RNF157: variants seen among roughly 807,000 people sequenced by gnomAD.
The protein encoded by RNF157 is ring finger protein 157, also known as E3 ubiquitin ligase RNF157.
RNF157 carries 55 observed loss-of-function variants against 88.3 expected under a neutral mutation model. That is an observed-to-expected ratio of 0.62 (90% confidence interval 0.50 to 0.78). The LOEUF is 0.78. RNF157 is among the 30% of genes least tolerant of loss of function. RNF157 has a pLI of 0.00. For missense variants in RNF157, 788 were observed against 860.8 expected (o/e 0.92, Z 1.06); for synonymous variants, 334 against 341.2 (o/e 0.98, Z 0.23).
intron 1 of RNF157, among the ~76,000 whole-genome samples, chr17:76,213,099 T>C (rs1277462197): frequency 6.6e-6 from 1 of 152,216 alleles, no homozygotes; most frequent in Non-Finnish European, 1.5e-5. Flanking sequence ...GGTTCTACAA[T>C]GCACATTAAT....
chr17:76,158,504 G>A lies in RNF157; in HGVS notation c.1305-3C>T. On this transcript the variant is annotated splice_region_variant and splice_polypyrimidine_tract_variant and intron_variant, in intron 12 of 18. Coordinates refer to ENST00000269391, the MANE Select transcript of RNF157 (RefSeq NM_052916.3). ...CGGAAGAGTTTTGGGAAGTGGATCTGTAGGAGTCCAGTGGAAAAGCAGCTA... is the reference window on the plus strand; with the variant it reads ...CGGAAGAGTTTTGGGAAGTGGATCTATAGGAGTCCAGTGGAAAAGCAGCTA... 2 of 1,602,168 alleles carry A rather than the reference G, an allele frequency of 1.2e-6. No homozygotes were observed. The highest frequency in any genetic ancestry group is 8.6e-7 in the Non-Finnish European group (1 of 1,169,302).
intron 2 of RNF157, among the ~76,000 whole-genome samples, chr17:76,210,555 A>G (rs1405216090): frequency 8.2e-6 from 1 of 121,996 alleles, no homozygotes; most frequent in Non-Finnish European, 1.6e-5. Context: ...GTGCCACTGT[A>G]CTCCAGCCTG....
chr17:76,212,063 G>GAAAA, intron 2 of RNF157: 1 of 183,788 alleles, frequency 5.4e-6, no homozygotes, highest in East Asian at 1.2e-4. Context: ...GTGCCATGAA[G>GAAAA]AAAAAAAAAA....
At chr17:76,152,888 C>T (rs1038495153) in intron 17 of RNF157, among the ~76,000 whole-genome samples, 4 of 152,136 alleles carry the variant, frequency 2.6e-5, no homozygotes, top group African/African-American at 9.7e-5. Context: ...TGTTTAGGAC[C>T]ACATGGCTCT....
Position 76,159,518 on chromosome 17 carries a change from T to C in RNF157, c.1121A>G (p.Asn374Ser). ...TGCTGGGGACGGGGTGAGGGGCCCGTTGAGGGCCTCCAGAAGAGATACTAC... is the reference window on the plus strand; with the variant it reads ...TGCTGGGGACGGGGTGAGGGGCCCGCTGAGGGCCTCCAGAAGAGATACTAC... The part of the protein sequence containing the change: ...YEVVSLLEAL[N>S]GPLTPSPAVP... The change falls in exon 12 of 19, where the codon AAC (asparagine) becomes AGC (serine). Residue 374 changes from asparagine (N) to serine (S), a missense_variant. By Grantham distance (46) the Asn-to-Ser change is conservative. Transcript: ENST00000269391. 1 of 1,606,122 alleles carries C rather than the reference T, an allele frequency of 6.2e-7. No homozygotes were observed. The highest frequency in any genetic ancestry group is 1.1e-5 in the South Asian group (1 of 89,484).
chr17:76,190,959 C>T (rs1167211629), intron 2 of RNF157, among the ~76,000 whole-genome samples: 1 of 151,790 alleles, frequency 6.6e-6, no homozygotes, highest in Non-Finnish European at 1.5e-5. Context: ...CACCTGTAGT[C>T]CCGGCACTTT....
At chr17:76,172,143 C>T (rs540108733) in intron 3 of RNF157, among the ~76,000 whole-genome samples, 2 of 152,244 alleles carry the variant, frequency 1.3e-5, no homozygotes, top group African/African-American at 4.8e-5. Context: ...GGGGAACCAG[C>T]AGAAACTTCA....
intron 2 of RNF157, among the ~76,000 whole-genome samples, chr17:76,203,988 C>T (rs139205553): frequency 0.038 from 5,775 of 151,394 alleles, 372 homozygotes; most frequent in African/African-American, 0.13. Context: ...AGGATGGTCT[C>T]GATCTCCTGA....
At chr17:76,223,932 A>C (rs2070032725) in intron 1 of RNF157, among the ~76,000 whole-genome samples, 1 of 152,226 alleles carries the variant, frequency 6.6e-6, no homozygotes, top group Non-Finnish European at 1.5e-5. Flanking sequence ...AAGTATAATA[A>C]CACAGGGCAA....
chr17:76,145,760 A>G (rs2068575559), intron 18 of RNF157, among the ~76,000 whole-genome samples: 1 of 152,172 alleles, frequency 6.6e-6, no homozygotes, highest in Admixed American at 6.5e-5. Context: ...GGTGGGGGGA[A>G]GTGAGAAGAC....
At chr17:76,216,676 T>C (rs1199030342) in intron 1 of RNF157, among the ~76,000 whole-genome samples, 1 of 152,096 alleles carries the variant, frequency 6.6e-6, no homozygotes, top group Non-Finnish European at 1.5e-5. Flanking sequence ...AATCTATATC[T>C]ACTGACATTA....
At position 76,176,861 on chromosome 17, in the gene RNF157, C is replaced by T. The variant is rs897920914; in HGVS notation, c.208-3071G>A. ...CCGGGCAGGAAGTGGGAGCAGCTTC[C>T]GCTTCGGGCACCTGGCCATTGGCGC... On this transcript the variant is annotated intron_variant, in intron 2 of 18. Coordinates refer to ENST00000269391, the MANE Select transcript of RNF157 (RefSeq NM_052916.3). The surrounding 1 kb of genome is among the most constrained non-coding windows in gnomAD (Gnocchi z 4.2). Among the ~76,000 whole-genome samples, 7 of 152,228 alleles carry T rather than the reference C, an allele frequency of 4.6e-5. 1 individual carries two copies. In the Middle Eastern group the frequency reaches 0.014, roughly 296 times the overall value.
rs1199528843 is a variant in RNF157 at position 76,161,210 on chromosome 17, T to A, written c.1065+325A>T. Among the ~76,000 whole-genome samples the A allele has an allele frequency of 6.6e-6, 1 of 152,182 alleles. No homozygotes were observed. Among genetic ancestry groups the A allele is most frequent in the Non-Finnish European group, 1.5e-5 (1 of 68,044 alleles). On this transcript the variant is annotated intron_variant, in intron 11 of 18. Coordinates refer to ENST00000269391, the MANE Select transcript of RNF157 (RefSeq NM_052916.3). This position sits in a 1 kb window ranked among gnomAD's most constrained non-coding sequence, Gnocchi z 4.6. ...TTCAAATAAAGATAATAAATTGTAT[T>A]TAAATCCAAAATAATCGTCCCATTG...
rs12051808 is a variant in RNF157, at chr17:76,195,548, A to G, written c.207+16816T>C. Among the ~76,000 whole-genome samples the G allele has an allele frequency of 0.19, 29,236 of 152,108 alleles. 5,758 individuals carry two copies. Among genetic ancestry groups the G allele is most frequent in the African/African-American group, 0.51 (21,109 of 41,402 alleles). On this transcript the variant is annotated intron_variant, in intron 2 of 18. Transcript: ENST00000269391. This position sits in a 1 kb window ranked among gnomAD's most constrained non-coding sequence, Gnocchi z 4.4. ...CCTTAACAGGTATGCATACATATAC[A>G]CAACAAAATACATGTAATAATAGAA...
intron 2 of RNF157, among the ~76,000 whole-genome samples, chr17:76,185,685 G>A (rs1317489122): frequency 6.6e-6 from 1 of 151,938 alleles, no homozygotes; most frequent in Admixed American, 6.6e-5. Flanking sequence ...TAGCCAGGAT[G>A]GTCTCGATCT....
At chr17:76,231,548 T>G (rs2070193583) in intron 1 of RNF157, among the ~76,000 whole-genome samples, 1 of 152,176 alleles carries the variant, frequency 6.6e-6, no homozygotes, top group African/African-American at 2.4e-5. Context: ...TCTTCTGGCC[T>G]TGGCCTCCCA....
intron 1 of RNF157, among the ~76,000 whole-genome samples, chr17:76,230,836 T>TAA (rs1160772405): frequency 1.2e-3 from 84 of 70,208 alleles, no homozygotes; most frequent in East Asian, 5.0e-3. Context: ...AGACTCCATC[T>TAA]AAAAAAAAAA....
chr17:76,197,253 A>G (rs1327693141), intron 2 of RNF157, among the ~76,000 whole-genome samples: 1 of 152,228 alleles, frequency 6.6e-6, no homozygotes. Context: ...GTCTTGGTAC[A>G]GGAGGTACAG....
rs1237708567 is a variant in RNF157 at position 76,146,055 on chromosome 17, C to T, written c.1922-702G>A. Among the ~76,000 whole-genome samples, 1 of 152,224 alleles carries T rather than the reference C, an allele frequency of 6.6e-6. No homozygotes were observed. The highest frequency in any genetic ancestry group is 1.5e-5 in the Non-Finnish European group (1 of 68,034). ...CGCTCCCCAAATCTGCTGCTGCCCC[C>T]ACATGAGGAGTGCCAGCGCCTGTCT... On this transcript the variant is annotated intron_variant, in intron 18 of 18. Transcript: ENST00000269391. The surrounding 1 kb of genome is among the most constrained non-coding windows in gnomAD (Gnocchi z 4.2).
Sources: allele counts gnomAD v4.1 joint callset (sites outside exome capture counted in the v4.1 genomes callset), GRCh38; gene constraint gnomAD v4.1.1; non-coding constraint Gnocchi (gnomAD v3.1); transcripts MANE v1.5; gene names NCBI Gene and HGNC (gene_info 2026-07-23, HGNC 2026-07-21).